The following SORL1 variants were observed in gnomAD, a reference collection of about 807,000 sequenced individuals.
SORL1 encodes the protein sortilin related receptor 1.
SORL1 carries 127 observed loss-of-function variants against 273.7 expected under a neutral mutation model. That is an observed-to-expected ratio of 0.46 (90% CI 0.40 to 0.54). SORL1 has a LOEUF of 0.54. Among genes scored for constraint, SORL1 ranks in the 20% least tolerant of loss-of-function variants. The probability of loss-of-function intolerance (pLI) is 0.00; values close to 1 mark genes in which losing one functional copy is unlikely to be tolerated. For missense variants in SORL1, 2,494 were observed against 2,846.1 expected (o/e 0.88, Z 2.81); for synonymous variants, 1,031 against 1,067.4 (o/e 0.97, Z 0.66).
At chr11:121,541,751 T>C (rs1862352970) in intron 12 of SORL1, among the ~76,000 whole-genome samples, 1 of 152,174 alleles carries the variant, frequency 6.6e-6, no homozygotes. Context: ...GCTCACTGGG[T>C]GATAAAACAA....
intron 28 of SORL1, among the ~76,000 whole-genome samples, chr11:121,588,530 C>T (rs980426919): frequency 1.3e-5 from 2 of 152,176 alleles, no homozygotes; most frequent in African/African-American, 4.8e-5. Flanking sequence ...TTCGATGATC[C>T]TGTCACAACT....
rs1862286774 is a variant in SORL1, at chr11:121,537,738, T to G, written c.1685+5186T>G. Among the ~76,000 whole-genome samples, 3 of 152,244 alleles carry G rather than the reference T, an allele frequency of 2.0e-5. No homozygotes were observed. The South Asian group carries it at 6.2e-4, about 31-fold the overall frequency. On this transcript the variant is annotated intron_variant, in intron 12 of 47. Transcript: ENST00000260197. Reference sequence around the variant, plus strand: ...GCTTCCATTTTACTTTGGGACAGTTTGCTGTTCATTTGTTCACTAATTCAT... The same window carrying G: ...GCTTCCATTTTACTTTGGGACAGTTGGCTGTTCATTTGTTCACTAATTCAT...
intron 21 of SORL1, among the ~76,000 whole-genome samples, chr11:121,564,744 A>T (rs1459476880): frequency 8.8e-5 from 13 of 147,218 alleles, no homozygotes; most frequent in East Asian, 4.0e-4. Context: ...AATTTTGCTT[A>T]TTTTTTTTTT....
chr11:121,543,215 A>G (rs888703587), intron 12 of SORL1, among the ~76,000 whole-genome samples: 2 of 151,798 alleles, frequency 1.3e-5, no homozygotes, highest in Non-Finnish European at 2.9e-5. Flanking sequence ...AAAAAAAGAA[A>G]AAAATTTCTC....
rs1863870358 is a variant in SORL1 at position 121,631,231 on chromosome 11, T to C, written c.*1668T>C. The C allele has an allele frequency of 6.6e-6, 1 of 152,244 alleles. No homozygotes were observed. Among genetic ancestry groups the C allele is most frequent in the Non-Finnish European group, 1.5e-5 (1 of 68,046 alleles). 9.4% of individuals were successfully genotyped at this position (152,244 alleles called of 1,614,324 possible). A position where few individuals can be genotyped will look rare whatever the true frequency, so the allele number is the denominator to read the frequency against. On this transcript the variant is annotated 3_prime_UTR_variant, in exon 48 of 48. Transcript: ENST00000260197. ...TTAGTTTTTGAAATTTTTATTTATA[T>C]GTATACTTAGATGAGTATTTTAAGC...
At chr11:121,522,087 C>T (rs555739452) in intron 9 of SORL1, among the ~76,000 whole-genome samples, 1 of 152,316 alleles carries the variant, frequency 6.6e-6, no homozygotes, top group South Asian at 2.1e-4. Context: ...TAATCCTTTG[C>T]TTTTTATATC....
At chr11:121,585,524 C>A (rs1863086424) in intron 26 of SORL1, among the ~76,000 whole-genome samples, 2 of 151,360 alleles carry the variant, frequency 1.3e-5, no homozygotes, top group African/African-American at 4.8e-5. Context: ...CACACACACA[C>A]ACACACACAC....
rs552390690 is a variant in SORL1 at position 121,569,489 on chromosome 11, G to A, written c.3224-668G>A. ...CCTGAGAAAGAGAATGCGTCCCTGA[G>A]GGTAGGCTTCTAAAATGGCCGCTTC... On this transcript the variant is annotated intron_variant, in intron 22 of 47. Coordinates refer to ENST00000260197, the MANE Select transcript of SORL1 (RefSeq NM_003105.6). Among the ~76,000 whole-genome samples the A allele has an allele frequency of 3.9e-5, 6 of 152,338 alleles. No individual in the cohort carries two copies. In the East Asian group the frequency reaches 9.6e-4, roughly 24 times the overall value.
At chr11:121,521,352 C>T (rs1235532131) in intron 9 of SORL1, among the ~76,000 whole-genome samples, 1 of 152,148 alleles carries the variant, frequency 6.6e-6, no homozygotes, top group Non-Finnish European at 1.5e-5. Flanking sequence ...TGGGTACTTC[C>T]TCTTCCCTCA....
At chr11:121,488,750 G>C (rs1000342021) in intron 4 of SORL1, among the ~76,000 whole-genome samples, 3 of 152,202 alleles carry the variant, frequency 2.0e-5, no homozygotes, top group Admixed American at 6.5e-5. Flanking sequence ...GCCTGAGTAA[G>C]ACTTATATCT....
intron 18 of SORL1, chr11:121,556,942 G>A (rs1862596185): frequency 4.7e-6 from 1 of 215,040 alleles, no homozygotes; most frequent in Non-Finnish European, 9.4e-6. Flanking sequence ...TGGGAGTGTG[G>A]AGTCATCGAT....
intron 25 of SORL1, among the ~76,000 whole-genome samples, chr11:121,578,927 T>A (rs1295101543): frequency 6.6e-6 from 1 of 152,196 alleles, no homozygotes; most frequent in Non-Finnish European, 1.5e-5. Flanking sequence ...GGAGCTGCCG[T>A]TGGCACAGGA....
intron 30 of SORL1, 48 bp downstream of exon 30, chr11:121,590,222 A>G (rs1461041014): frequency 6.3e-7 from 1 of 1,576,652 alleles, no homozygotes; most frequent in South Asian, 1.1e-5. Context: ...AAGACACACC[A>G]GAATAGTTCC....
At chr11:121,481,895 C>A (rs988949027) in intron 3 of SORL1, among the ~76,000 whole-genome samples, 3 of 148,452 alleles carry the variant, frequency 2.0e-5, no homozygotes, top group Admixed American at 1.4e-4. Flanking sequence ...TCTCCTCCTC[C>A]CCAGCTCCTC....
At position 121,555,192 on chromosome 11, in the gene SORL1, CT is replaced by C; in HGVS notation, c.2446del (p.Cys816ValfsTer2). The C allele has an allele frequency of 1.9e-6, 3 of 1,613,180 alleles. No homozygotes were observed. Among genetic ancestry groups the C allele is most frequent in the Non-Finnish European group, 2.5e-6 (3 of 1,179,402 alleles). On this transcript the variant is annotated frameshift_variant, in exon 18 of 48. Coordinates refer to ENST00000260197, the MANE Select transcript of SORL1 (RefSeq NM_003105.6). LOFTEE classifies it high-confidence loss of function. ...DLALDVIQRL[C>X]LNGSTGQEVI... Reference sequence around the variant, plus strand: ...TATTACTTTTCTCTCTTAAGCGCCTCTGTTTGAATGGAAGCACAGGGCAAGA... The same window carrying C: ...TATTACTTTTCTCTCTTAAGCGCCTCGTTTGAATGGAAGCACAGGGCAAGA...
intron 3 of SORL1, among the ~76,000 whole-genome samples, chr11:121,481,374 A>C (rs79204765): frequency 5.0e-4 from 39 of 77,424 alleles, no homozygotes; most frequent in Admixed American, 5.9e-4. Context: ...AGCTTCTTCC[A>C]TAGTGCACAG....
chr11:121,452,317 A>T lies in SORL1; in HGVS notation c.-15A>T. The T allele has an allele frequency of 2.6e-6, 4 of 1,518,592 alleles. No homozygotes were observed. The highest frequency in any genetic ancestry group is 2.6e-6 in the Non-Finnish European group (3 of 1,136,550). 94.1% of individuals were successfully genotyped at this position (1,518,592 alleles called of 1,614,324 possible). A position where few individuals can be genotyped will look rare whatever the true frequency, so the allele number is the denominator to read the frequency against. ...TCCTGGCGGCGGCGCCACCTGCAGT[A>T]GCGTTCGCCCGAACATGGCGACACG... On this transcript the variant is annotated 5_prime_UTR_variant, in exon 1 of 48. Transcript: ENST00000260197. The surrounding 1 kb of genome is among the most constrained non-coding windows in gnomAD (Gnocchi z 5.3).
chr11:121,594,304 G>T (rs980617769), intron 31 of SORL1, among the ~76,000 whole-genome samples: 1 of 152,052 alleles, frequency 6.6e-6, no homozygotes, highest in African/African-American at 2.4e-5. Context: ...AATTTTTCTT[G>T]AAGTTTTTAT....
At chr11:121,533,732 G>GTT (rs144445867) in intron 12 of SORL1, among the ~76,000 whole-genome samples, 4 of 151,302 alleles carry the variant, frequency 2.6e-5, no homozygotes, top group Non-Finnish European at 5.9e-5. Context: ...CTTAGCAGCT[G>GTT]TTTTTTTTTC....
Sources: gnomAD v4.1 joint callset for allele counts (sites outside exome capture counted in the v4.1 genomes callset) on GRCh38, gnomAD v4.1.1 for gene constraint, Gnocchi (gnomAD v3.1) non-coding constraint, MANE v1.5 for transcripts, NCBI Gene and HGNC (gene_info 2026-07-23, HGNC 2026-07-21) for gene names.